The following BICC1 variants were observed in gnomAD, a reference collection of about 807,000 sequenced individuals.
BICC1 encodes BicC family RNA binding protein 1.
A neutral mutation model predicts 111.0 loss-of-function variants in BICC1; 43 were observed. The ratio of observed to expected loss-of-function variants is 0.39; its 90% CI spans 0.30 to 0.50. BICC1 has a LOEUF of 0.50. BICC1 is among the 20% of genes least tolerant of loss of function. The pLI, the probability that BICC1 is intolerant of heterozygous loss-of-function variation, is 0.88. For synonymous variants in BICC1, 467 were observed against 434.4 expected (o/e 1.07, Z -0.93); for missense variants, 1,091 against 1,203.2 (o/e 0.91, Z 1.38).
chr10:58,612,688 G>T (rs931313393), intron 1 of BICC1, among the ~76,000 whole-genome samples: 7 of 151,780 alleles, frequency 4.6e-5, no homozygotes, highest in Non-Finnish European at 1.0e-4. Flanking sequence ...ATTTGAACTT[G>T]GTATTTTCTT....
At chr10:58,827,838 A>G (rs925090870) in intron 20 of BICC1, among the ~76,000 whole-genome samples, 1 of 152,158 alleles carries the variant, frequency 6.6e-6, no homozygotes, top group African/African-American at 2.4e-5. Context: ...TCCTTCCACC[A>G]CCACTACCTA....
rs1013276328 is a variant in BICC1, at chr10:58,830,594, T to C, written c.*1703T>C. 16 of 152,200 alleles carry C rather than the reference T, an allele frequency of 1.1e-4. No homozygotes were observed. Among genetic ancestry groups the C allele is most frequent in the African/African-American group, 3.1e-4 (13 of 41,460 alleles). The allele number at this position is 152,200 out of a possible 1,614,324, so 9.4% of individuals were successfully genotyped here. ...TAAGAACAAGAATTGAAGAGGCATT[T>C]TGCACACAGAAACATTCTCACTTTA... On this transcript the variant is annotated 3_prime_UTR_variant, in exon 21 of 21. Transcript: ENST00000373886.
intron 2 of BICC1, among the ~76,000 whole-genome samples, chr10:58,626,297 C>A (rs1164625672): frequency 6.6e-6 from 1 of 152,158 alleles, no homozygotes; most frequent in African/African-American, 2.4e-5. Context: ...TTACCGATCA[C>A]TATACTATTG....
At chr10:58,796,284 A>G in intron 9 of BICC1, 56 bp from the exon 10 acceptor site, 1 of 1,443,878 alleles carries the variant, frequency 6.9e-7, no homozygotes, top group Non-Finnish European at 9.6e-7. Flanking sequence ...CCCCTCCCCC[A>G]TTCATTGTAG....
rs756205604 is a variant in BICC1 at position 58,813,869 on chromosome 10, C to G, written c.2416C>G (p.His806Asp). 1.2e-6 allele frequency: 2 copies of G among 1,613,816 alleles called. No individual in the cohort carries two copies. The highest frequency in any genetic ancestry group is 1.7e-5 in the Admixed American group (1 of 59,982). ...CCTTTCACGGTCCAACAGTCGTGAG[C>G]ACTTGGGAGGTGGAAGCGAATCTGA... ...MSLSRSNSRE[H>D]LGGGSESDNW... The change falls in exon 18 of 21, where the codon CAC becomes GAC. Residue 806 changes from histidine (H) to aspartate (D), a missense_variant. Physicochemically the swap from His to Asp is moderately conservative, Grantham distance 81 (BLOSUM62 -1). This residue lies in a region of BICC1 where 231 missense variants were observed against 256.2 expected (regional missense o/e 0.90). Transcript: ENST00000373886.
At chr10:58,762,837 C>T (rs886566597) in intron 3 of BICC1, among the ~76,000 whole-genome samples, 9 of 151,334 alleles carry the variant, frequency 5.9e-5, no homozygotes, top group Non-Finnish European at 1.3e-4. Context: ...TCTCTCTCTC[C>T]AGATCAACCT....
intron 2 of BICC1, among the ~76,000 whole-genome samples, chr10:58,697,951 C>G (rs1840114059): frequency 6.6e-6 from 1 of 151,952 alleles, no homozygotes; most frequent in African/African-American, 2.4e-5. Flanking sequence ...GAATGCGTCA[C>G]ACTCCACTAC....
chr10:58,534,407 C>G (rs1423588629), intron 1 of BICC1, among the ~76,000 whole-genome samples: 1 of 151,644 alleles, frequency 6.6e-6, no homozygotes, highest in East Asian at 1.9e-4. Context: ...TGAACCTGCT[C>G]AACACCAAGC....
chr10:58,516,368 A>G (rs1842241950), intron 1 of BICC1, among the ~76,000 whole-genome samples: 1 of 152,192 alleles, frequency 6.6e-6, no homozygotes, highest in Non-Finnish European at 1.5e-5. Context: ...AGGTTAATAT[A>G]TGGGCAATAG....
At chr10:58,539,045 T>C (rs1842894650) in intron 1 of BICC1, among the ~76,000 whole-genome samples, 1 of 151,678 alleles carries the variant, frequency 6.6e-6, no homozygotes, top group Non-Finnish European at 1.5e-5. Context: ...ATTCCACTAC[T>C]GAGTATCTAC....
chr10:58,586,214 T>C (rs934950850), intron 1 of BICC1, among the ~76,000 whole-genome samples: 2 of 152,156 alleles, frequency 1.3e-5, no homozygotes, highest in Non-Finnish European at 2.9e-5. Flanking sequence ...CATCCATCCA[T>C]CCATCCATCC....
At chr10:58,539,079 T>TA (rs934089458) in intron 1 of BICC1, among the ~76,000 whole-genome samples, 3 of 151,470 alleles carry the variant, frequency 2.0e-5, no homozygotes, top group African/African-American at 7.3e-5. Context: ...AATCAATATA[T>TA]AAAAAAGACA....
rs931474420 is a variant in BICC1 at position 58,829,425 on chromosome 10, A to G, written c.*534A>G. 6.6e-6 allele frequency: 1 copy of G among 152,196 alleles called. No homozygotes were observed. The highest frequency in any genetic ancestry group is 1.5e-5 in the Non-Finnish European group (1 of 68,054). The allele number at this position is 152,196 out of a possible 1,614,324, so 9.4% of individuals were successfully genotyped here. A position where few individuals can be genotyped will look rare whatever the true frequency, so the allele number is the denominator to read the frequency against. On this transcript the variant is annotated 3_prime_UTR_variant, in exon 21 of 21. Coordinates refer to ENST00000373886, the MANE Select transcript of BICC1 (RefSeq NM_001080512.3). Reference sequence around the variant, plus strand: ...TCCTATGGAAGTTCTCGCTGTCTCCATCTCTCTCATTTTTGTGTCACCTAA... The same window carrying G: ...TCCTATGGAAGTTCTCGCTGTCTCCGTCTCTCTCATTTTTGTGTCACCTAA...
intron 3 of BICC1, among the ~76,000 whole-genome samples, chr10:58,717,349 G>T (rs1369856173): frequency 8.5e-5 from 4 of 46,966 alleles, no homozygotes; most frequent in Admixed American, 6.9e-4. Context: ...AAAAAGCAGG[G>T]TTTTGATTAA....
intron 2 of BICC1, among the ~76,000 whole-genome samples, chr10:58,684,818 A>C (rs1564552159): frequency 6.6e-6 from 1 of 152,082 alleles, no homozygotes; most frequent in Non-Finnish European, 1.5e-5. Context: ...TTTTCAAAAA[A>C]CCAGCTCCTG....
intron 1 of BICC1, among the ~76,000 whole-genome samples, chr10:58,520,729 A>G (rs1428912053): frequency 6.6e-6 from 1 of 152,188 alleles, no homozygotes. Context: ...CTCGATTTTA[A>G]AAGTAATACA....
intron 8 of BICC1, among the ~76,000 whole-genome samples, chr10:58,792,273 A>G (rs1295956522): frequency 6.6e-6 from 1 of 152,170 alleles, no homozygotes; most frequent in East Asian, 1.9e-4. Flanking sequence ...AAAAAAATCT[A>G]AAAAATGAGG....
At chr10:58,680,509 A>G (rs980273236) in intron 2 of BICC1, among the ~76,000 whole-genome samples, 4 of 152,122 alleles carry the variant, frequency 2.6e-5, no homozygotes, top group African/African-American at 9.7e-5. Flanking sequence ...AAACCACTGC[A>G]CAAGGAAATA....
chr10:58,682,259 G>A (rs1295139452), intron 2 of BICC1, among the ~76,000 whole-genome samples: 1 of 151,986 alleles, frequency 6.6e-6, no homozygotes, highest in Non-Finnish European at 1.5e-5. Flanking sequence ...TCTTAATCCA[G>A]TCTATCATTG....
Sources: allele counts gnomAD v4.1 joint callset (sites outside exome capture counted in the v4.1 genomes callset), GRCh38; gene constraint gnomAD v4.1.1; regional missense constraint gnomAD v4.1.1; transcripts MANE v1.5; gene names NCBI Gene and HGNC (gene_info 2026-07-23, HGNC 2026-07-21).